XIRP2: variants seen among roughly 807,000 people sequenced by gnomAD.
XIRP2 encodes the protein xin actin-binding repeat-containing protein 2.
XIRP2 carries 236 observed loss-of-function variants against 277.0 expected under a neutral mutation model. That is an observed-to-expected ratio of 0.85 (90% CI 0.77 to 0.95). The LOEUF (loss-of-function observed/expected upper bound fraction) is 0.95. XIRP2 is among the 40% of genes least tolerant of loss of function. The pLI, the probability that XIRP2 is intolerant of heterozygous loss-of-function variation, is 0.00. For missense variants in XIRP2, 4,640 were observed against 4,157.5 expected (o/e 1.12, Z -3.19); for synonymous variants, 1,490 against 1,416.5 (o/e 1.05, Z -1.17).
chr2:166,938,051 G>A (rs957305955), intron 2 of XIRP2, among the ~76,000 whole-genome samples: 1 of 152,038 alleles, frequency 6.6e-6, no homozygotes, highest in African/African-American at 2.4e-5. Flanking sequence ...ACCAGCTCCT[G>A]GATTCATTGA....
intron 3 of XIRP2, among the ~76,000 whole-genome samples, chr2:167,180,246 C>A (rs16853134): frequency 0.099 from 15,019 of 152,074 alleles, 797 homozygotes; most frequent in South Asian, 0.16. Flanking sequence ...TACTTCACCT[C>A]AAAAACTTTT....
chr2:166,962,802 C>A (rs1686331502), intron 2 of XIRP2, among the ~76,000 whole-genome samples: 1 of 151,660 alleles, frequency 6.6e-6, no homozygotes, highest in Non-Finnish European at 1.5e-5. Flanking sequence ...TAGTTACTTT[C>A]TAGAAAAGGT....
chr2:167,046,175 T>G (rs1167329492), intron 2 of XIRP2, among the ~76,000 whole-genome samples: 1 of 152,068 alleles, frequency 6.6e-6, no homozygotes, highest in Admixed American at 6.6e-5. Context: ...ATTATTGGTG[T>G]ACAGAAATAC....
chr2:167,091,102 G>A (rs1690134220), intron 2 of XIRP2, among the ~76,000 whole-genome samples: 1 of 152,082 alleles, frequency 6.6e-6, no homozygotes, highest in Admixed American at 6.5e-5. Context: ...TCTTCTTATT[G>A]TTACTTCTTT....
rs150806223 is a variant in XIRP2 at position 166,903,909 on chromosome 2, A to G, written c.408+19A>G. 675 of 1,602,030 alleles carry G rather than the reference A, an allele frequency of 4.2e-4. 4 individuals carry two copies. The African/African-American group carries it at 7.6e-3, about 18-fold the overall frequency. Reference sequence around the variant, plus strand: ...TGGAAAGGTAAGGAGCCATTGATTGAGAGTCTATGTTTACATATGACTTCC... The same window carrying G: ...TGGAAAGGTAAGGAGCCATTGATTGGGAGTCTATGTTTACATATGACTTCC... On this transcript the variant is annotated intron_variant, in intron 2 of 10. Transcript: ENST00000409195.
At chr2:167,091,611 T>G (rs10207422) in intron 2 of XIRP2, among the ~76,000 whole-genome samples, 144,092 of 152,132 alleles carry the variant, frequency 0.95, 68,522 homozygotes, top group Non-Finnish European at 0.99. Flanking sequence ...ATCATAGTTT[T>G]AATTCTGTAT....
intron 5 of XIRP2, among the ~76,000 whole-genome samples, chr2:167,236,576 C>T (rs898407536): frequency 3.3e-5 from 5 of 151,818 alleles, no homozygotes; most frequent in African/African-American, 1.2e-4. Flanking sequence ...TTTTTCTTTC[C>T]TTTAATGCCT....
chr2:166,997,748 TACA>T (rs1687261008), intron 2 of XIRP2, among the ~76,000 whole-genome samples: 1 of 151,760 alleles, frequency 6.6e-6, no homozygotes, highest in African/African-American at 2.4e-5. Context: ...CCACTAAAAA[TACA>T]ACAATTAGCC....
intron 2 of XIRP2, among the ~76,000 whole-genome samples, chr2:167,046,565 A>G (rs750572282): frequency 3.3e-5 from 5 of 152,048 alleles, no homozygotes; most frequent in East Asian, 1.9e-4. Context: ...AATGTAGTAC[A>G]TATACACCAT....
chr2:166,936,699 G>A (rs1219653631), intron 2 of XIRP2, among the ~76,000 whole-genome samples: 6 of 152,118 alleles, frequency 3.9e-5, no homozygotes, highest in African/African-American at 1.4e-4. Context: ...TTTTTGTCAG[G>A]TTTGTCAAAG....
At chr2:167,213,881 A>G (rs1694135757) in intron 4 of XIRP2, among the ~76,000 whole-genome samples, 1 of 152,114 alleles carries the variant, frequency 6.6e-6, no homozygotes, top group Non-Finnish European at 1.5e-5. Flanking sequence ...GAGCAGCTGC[A>G]GTAGCGTAAT....
At chr2:167,116,364 T>C (rs959781646) in intron 2 of XIRP2, among the ~76,000 whole-genome samples, 1 of 152,218 alleles carries the variant, frequency 6.6e-6, no homozygotes, top group Non-Finnish European at 1.5e-5. Context: ...TTTTGATCGA[T>C]TAACCATTTT....
intron 4 of XIRP2, among the ~76,000 whole-genome samples, chr2:167,213,423 C>A (rs1489222912): frequency 1.3e-5 from 2 of 152,110 alleles, no homozygotes; most frequent in Non-Finnish European, 2.9e-5. Flanking sequence ...CTGTTATGCC[C>A]TATAAACCAA....
At chr2:166,907,692 C>T (rs989288555) in intron 2 of XIRP2, among the ~76,000 whole-genome samples, 20 of 151,388 alleles carry the variant, frequency 1.3e-4, no homozygotes, top group Non-Finnish European at 2.4e-4. Context: ...TATACATGTG[C>T]CGTGTTGGTG....
At chr2:166,912,757 A>T (rs1023297799) in intron 2 of XIRP2, among the ~76,000 whole-genome samples, 24 of 152,194 alleles carry the variant, frequency 1.6e-4, no homozygotes, top group East Asian at 7.8e-4. Context: ...TTGGTCTTTG[A>T]TGATGGTGAC....
intron 2 of XIRP2, among the ~76,000 whole-genome samples, chr2:167,062,702 G>A (rs1010494472): frequency 6.6e-6 from 1 of 152,006 alleles, no homozygotes; most frequent in African/African-American, 2.4e-5. Context: ...TAGATGTAAG[G>A]TTATTACAGT....
intron 2 of XIRP2, among the ~76,000 whole-genome samples, chr2:166,904,414 G>T (rs537671046): frequency 6.6e-6 from 1 of 152,070 alleles, no homozygotes; most frequent in African/African-American, 2.4e-5. Context: ...TACTTTACAT[G>T]GATCTTATGA....
chr2:167,163,041 T>C (rs1434325533), intron 3 of XIRP2, among the ~76,000 whole-genome samples: 1 of 152,210 alleles, frequency 6.6e-6, no homozygotes. Flanking sequence ...TAGTATTCCA[T>C]TATGTGAACA....
Position 167,245,460 on chromosome 2 carries a change from A to G in XIRP2, c.4068A>G (p.Thr1356=). 6.2e-7 allele frequency: 1 copy of G among 1,613,644 alleles called. No individual in the cohort carries two copies. Among genetic ancestry groups the G allele is most frequent in the Non-Finnish European group, 8.5e-7 (1 of 1,179,722 alleles). ...GAGGAACAAGGTGGCTTTTTGAAAC[A>G]AAGCCATTAGACTCTATTAATAAAT... is the stretch of plus-strand genomic sequence containing the variant. ...DVRGTRWLFE[T]KPLDSINKSE... is the part of the protein sequence containing the mutation. The change falls in exon 9 of 11, where the codon ACA becomes ACG. Residue 1356 remains threonine, a synonymous_variant. Transcript: ENST00000409195.
Sources: allele counts gnomAD v4.1 joint callset (sites outside exome capture counted in the v4.1 genomes callset), GRCh38; gene constraint gnomAD v4.1.1; transcripts MANE v1.5; gene names NCBI Gene and HGNC (gene_info 2026-07-23, HGNC 2026-07-21).